The following PTPA variants were observed in gnomAD, a reference collection of about 807,000 sequenced individuals.
PTPA encodes the protein serine/threonine-protein phosphatase 2A activator.
Under a neutral mutation model 43.6 loss-of-function variants are expected in PTPA, and 13 were observed. The observed-to-expected ratio is 0.30, with a 90% CI of 0.19 to 0.47. The LOEUF is 0.47. Among genes scored for constraint, PTPA ranks in the 20% least tolerant of loss-of-function variants. The probability of loss-of-function intolerance (pLI) is 0.99; values close to 1 mark genes in which losing one functional copy is unlikely to be tolerated. For synonymous variants in PTPA, 172 were observed against 158.2 expected (o/e 1.09, Z -0.66); for missense variants, 329 against 411.9 (o/e 0.80, Z 1.74).
intron 7 of PTPA, 24 bp downstream of exon 7, chr9:129,136,619 C>G: frequency 1.9e-6 from 3 of 1,587,480 alleles, no homozygotes; most frequent in South Asian, 1.1e-5. Flanking sequence ...AGGTGCCTAT[C>G]CCTCCACCCC....
chr9:129,142,263 T>G, intron 8 of PTPA, 182 bp from the exon 9 acceptor site: 1 of 501,352 alleles, frequency 2.0e-6, no homozygotes, highest in Non-Finnish European at 3.4e-6. Flanking sequence ...ATGTGCCTGT[T>G]TGTATGTTTG....
At chr9:129,113,490 CG>C (rs1175528382) in intron 1 of PTPA, among the ~76,000 whole-genome samples, 1 of 151,666 alleles carries the variant, frequency 6.6e-6, no homozygotes, top group Non-Finnish European at 1.5e-5. Flanking sequence ...GTGATGACTC[CG>C]GGCACAGTGG....
rs145165209 is a variant in PTPA, at chr9:129,143,065, T to TG, written c.894+515dup. 375 of 733,846 alleles carry TG rather than the reference T, an allele frequency of 5.1e-4. No individual in the cohort carries two copies. In the African/African-American group the frequency reaches 6.0e-3, roughly 12 times the overall value. The allele number at this position is 733,846 out of a possible 1,614,324, so 45.5% of individuals were successfully genotyped here. A position where few individuals can be genotyped will look rare whatever the true frequency, so the allele number is the denominator to read the frequency against. ...ACCGCTTCAGGGATTTTGATGCAAA[T>TG]GGTTTTCCCTGCTCTCAAATCAGAT... On this transcript the variant is annotated intron_variant, in intron 9 of 9. Coordinates refer to ENST00000393370, the MANE Select transcript of PTPA (RefSeq NM_178000.3).
intron 4 of PTPA, among the ~76,000 whole-genome samples, chr9:129,129,434 G>C (rs1849803363): frequency 6.6e-6 from 1 of 151,702 alleles, no homozygotes; most frequent in Admixed American, 6.6e-5. Flanking sequence ...ATGGAGTACT[G>C]TGCAGCTATA....
At chr9:129,143,135 G>A (rs1239875658) in intron 9 of PTPA, 2 of 608,224 alleles carry the variant, frequency 3.3e-6, no homozygotes, top group Non-Finnish European at 5.8e-6. Context: ...CCCCCTGCTG[G>A]CAGGCAGCCG....
intron 2 of PTPA, 41 bp from the exon 3 acceptor site, chr9:129,123,011 C>A: frequency 6.8e-7 from 1 of 1,475,752 alleles, no homozygotes; most frequent in Non-Finnish European, 9.3e-7. Flanking sequence ...GGGGGGTCTG[C>A]CACCCCTCTC....
In PTPA at chr9:129,142,511, T is replaced by C. The variant is rs777102953; in HGVS notation, c.853T>C (p.Ser285Pro). Residue 285 changes from serine (S) to proline (P), a missense_variant, in exon 9 of 10, where the codon TCC becomes CCC. Transcript: ENST00000393370. ...LWNISAVPSW[S>P]KVNQGLIRMY... ...GAACATCAGCGCCGTCCCTTCCTGG[T>C]CCAAAGTGAACCAGGGTCTCATCCG... The C allele has an allele frequency of 6.2e-7, 1 of 1,613,724 alleles. No homozygotes were observed. Among genetic ancestry groups the C allele is most frequent in the South Asian group, 1.1e-5 (1 of 91,058 alleles).
chr9:129,142,425 T>C lies in PTPA; in HGVS notation c.787-20T>C. 1 of 1,552,042 alleles carries C rather than the reference T, an allele frequency of 6.4e-7. No individual in the cohort carries two copies. ...CCCAGCCAGAACCTGTCTCTTCAGC[T>C]TGTGGCTTCTCTTTTTCAGATGAAG... On this transcript the variant is annotated intron_variant, in intron 8 of 9. Transcript: ENST00000393370.
At chr9:129,113,944 G>A (rs1178101569) in intron 1 of PTPA, among the ~76,000 whole-genome samples, 2 of 152,170 alleles carry the variant, frequency 1.3e-5, no homozygotes, top group Non-Finnish European at 2.9e-5. Flanking sequence ...GAGGTTATCC[G>A]TGGCTGGAAA....
chr9:129,144,486 C>G (rs982271090), intron 9 of PTPA, among the ~76,000 whole-genome samples: 1 of 152,124 alleles, frequency 6.6e-6, no homozygotes, highest in African/African-American at 2.4e-5. Context: ...CGCCTGTAAT[C>G]CCAGCACTTT....
At chr9:129,119,918 A>G (rs1332373828) in intron 1 of PTPA, among the ~76,000 whole-genome samples, 2 of 151,996 alleles carry the variant, frequency 1.3e-5, no homozygotes, top group East Asian at 3.9e-4. Context: ...TCCTGGAAGT[A>G]TGTGTCTGGT....
chr9:129,126,518 A>G (rs1452251959), intron 3 of PTPA, among the ~76,000 whole-genome samples: 1 of 152,076 alleles, frequency 6.6e-6, no homozygotes, highest in Non-Finnish European at 1.5e-5. Context: ...TCCTCCTCTT[A>G]TGGGGGTTAA....
chr9:129,125,330 C>T (rs1057383231), intron 3 of PTPA, among the ~76,000 whole-genome samples: 1 of 151,896 alleles, frequency 6.6e-6, no homozygotes, highest in Admixed American at 6.6e-5. Flanking sequence ...TGGCTCACTG[C>T]AGCCTCCACC....
chr9:129,122,431 T>C (rs1280687616), intron 2 of PTPA, among the ~76,000 whole-genome samples: 7 of 152,136 alleles, frequency 4.6e-5, no homozygotes, highest in Admixed American at 4.6e-4. Context: ...CTGTGTTGGG[T>C]GTAACTGCAG....
chr9:129,127,942 A>G (rs766642802), intron 3 of PTPA: 6 of 1,297,844 alleles, frequency 4.6e-6, no homozygotes, highest in Non-Finnish European at 6.1e-6. Context: ...AAAAGTTGTC[A>G]TAAGATTATG....
intron 3 of PTPA, among the ~76,000 whole-genome samples, chr9:129,126,539 T>A (rs909598732): frequency 2.3e-4 from 35 of 152,178 alleles, no homozygotes; most frequent in African/African-American, 8.4e-4. Context: ...CATTTTCGAT[T>A]TTTGCAAAAT....
intron 8 of PTPA, chr9:129,142,063 G>A (rs1850893311): frequency 5.5e-6 from 1 of 180,414 alleles, no homozygotes. Flanking sequence ...GAGTCGGTGG[G>A]AACGACACCA....
At chr9:129,113,090 T>C (rs1199328345) in intron 1 of PTPA, among the ~76,000 whole-genome samples, 1 of 150,152 alleles carries the variant, frequency 6.7e-6, no homozygotes, top group East Asian at 2.0e-4. Context: ...AATCTCATAA[T>C]GGTTTTGTGT....
chr9:129,126,757 T>C (rs907844209), intron 3 of PTPA, among the ~76,000 whole-genome samples: 1 of 152,098 alleles, frequency 6.6e-6, no homozygotes, highest in East Asian at 1.9e-4. Context: ...CAGTTCCCTT[T>C]CTTTCAGCCC....
Sources: gnomAD v4.1 joint callset for allele counts (sites outside exome capture counted in the v4.1 genomes callset) on GRCh38, gnomAD v4.1.1 for gene constraint, MANE v1.5 for transcripts, NCBI Gene and HGNC (gene_info 2026-07-23, HGNC 2026-07-21) for gene names.